CYP2A13: variants seen among roughly 807,000 people sequenced by gnomAD.
The protein encoded by CYP2A13 is cytochrome P450 family 2 subfamily A member 13.
CYP2A13 carries 30 observed loss-of-function variants against 39.4 expected under a neutral mutation model. The observed-to-expected ratio is 0.76, with a 90% CI of 0.57 to 1.03. The LOEUF is 1.03. Ranked by LOEUF, CYP2A13 falls within the 50% of genes least tolerant of loss-of-function variation. The pLI is 0.00. For missense variants in CYP2A13, 731 were observed against 648.4 expected (o/e 1.13, Z -1.38); for synonymous variants, 269 against 254.7 (o/e 1.06, Z -0.54).
chr19:41,091,690 G>A (rs1161200590), intron 4 of CYP2A13, 42 bp from the exon 5 acceptor site: 67 of 1,607,288 alleles, frequency 4.2e-5, no homozygotes, highest in African/African-American at 5.4e-5. Flanking sequence ...CCTGCCCCGT[G>A]ACAGCTGTCC....
chr19:41,090,628 A>G (rs2031169736), intron 4 of CYP2A13, 64 bp downstream of exon 4: 1 of 1,609,466 alleles, frequency 6.2e-7, no homozygotes. Context: ...CCCTACCTGG[A>G]GACAGGTGCC....
intron 2 of CYP2A13, 44 bp from the exon 3 acceptor site, chr19:41,090,003 C>G (rs1400596928): frequency 6.4e-7 from 1 of 1,561,452 alleles, no homozygotes; most frequent in South Asian, 1.2e-5. Context: ...CTCCTGCTCC[C>G]GCCGCCCCCT....
At chr19:41,091,976 T>G in intron 5 of CYP2A13, 68 bp downstream of exon 5, 1 of 1,590,468 alleles carries the variant, frequency 6.3e-7, no homozygotes, top group East Asian at 2.2e-5. Context: ...GGGAGTGGGG[T>G]GGGCAGACGA....
In CYP2A13 at chr19:41,092,054, A is replaced by G. The variant is rs1450285695; in HGVS notation, c.831+146A>G. On this transcript the variant is annotated intron_variant, in intron 5 of 8. Transcript: ENST00000330436. ...AATTGGCCAGGCGCGGTGGCTCATG[A>G]CCTGTAATCCCAGCACTTTGGGAGG... is the stretch of plus-strand genomic sequence containing the variant. 2.3e-6 allele frequency: 3 copies of G among 1,288,774 alleles called. No homozygotes were observed. In the East Asian group the frequency reaches 7.7e-5, roughly 33 times the overall value. 79.8% of individuals were successfully genotyped at this position (1,288,774 alleles called of 1,614,324 possible). A position where few individuals can be genotyped will look rare whatever the true frequency, so the allele number is the denominator to read the frequency against.
rs755104603 is a variant in CYP2A13, at chr19:41,088,665, G to A, written c.180+14G>A. 11 of 1,608,952 alleles carry A rather than the reference G, an allele frequency of 6.8e-6. No individual in the cohort carries two copies. Among genetic ancestry groups the A allele is most frequent in the African/African-American group, 1.3e-5 (1 of 75,018 alleles). Reference sequence around the variant, plus strand: ...TCCCTCATGAAGGTGTCCTAAGGCAGGGAGATGGGTGGCACGGGGTGGGGG... The same window carrying A: ...TCCCTCATGAAGGTGTCCTAAGGCAAGGAGATGGGTGGCACGGGGTGGGGG... On this transcript the variant is annotated intron_variant, in intron 1 of 8. Coordinates refer to ENST00000330436, the MANE Select transcript of CYP2A13 (RefSeq NM_000766.5).
intron 4 of CYP2A13, among the ~76,000 whole-genome samples, chr19:41,091,232 C>A (rs1446638507): frequency 6.6e-6 from 1 of 152,152 alleles, no homozygotes; most frequent in East Asian, 1.9e-4. Flanking sequence ...CAACAGGTAT[C>A]CCCTCCACTT....
rs767405445 is a variant in CYP2A13, at chr19:41,093,713, C to A, written c.915C>A (p.Thr305=). The change falls in exon 6 of 9, where the codon ACC becomes ACA. Residue 305 remains threonine (T), a synonymous_variant. Transcript: ENST00000330436. The stretch of plus-strand genomic sequence containing the variant: ...ACCTCTTCTTTGCGGGCACTGAGAC[C>A]GTGAGCACCACCCTGCGCTACGGTT... ...TLNLFFAGTE[T]VSTTLRYGFL... 5 of 1,614,058 alleles carry A rather than the reference C, an allele frequency of 3.1e-6. No homozygotes were observed. Among genetic ancestry groups the A allele is most frequent in the East Asian group, 2.2e-5 (1 of 44,884 alleles).
intron 2 of CYP2A13, 111 bp downstream of exon 2, chr19:41,089,202 G>A: frequency 1.3e-6 from 2 of 1,536,990 alleles, no homozygotes; most frequent in Non-Finnish European, 1.8e-6. Flanking sequence ...AGAGCCCCCT[G>A]TCTGGTCTTC....
chr19:41,088,893 C>T (rs201816363), intron 1 of CYP2A13, 36 bp from the exon 2 acceptor site: 20 of 1,611,320 alleles, frequency 1.2e-5, no homozygotes, highest in Non-Finnish European at 1.7e-5. Flanking sequence ...AGAGTGGGGG[C>T]TGCTCCCTCT....
chr19:41,095,150 C>G, intron 8 of CYP2A13, 50 bp downstream of exon 8: 1 of 1,613,816 alleles, frequency 6.2e-7, no homozygotes, highest in Non-Finnish European at 8.5e-7. Flanking sequence ...CAGCAGGGGC[C>G]TCTCTCACCC....
chr19:41,095,874 T>C lies in CYP2A13; in HGVS notation c.1418T>C (p.Val473Ala), dbSNP rs1448058631. The C allele has an allele frequency of 1.2e-6, 2 of 1,613,876 alleles. No individual in the cohort carries two copies. The highest frequency in any genetic ancestry group is 2.7e-5 in the African/African-American group (2 of 74,922). The change falls in exon 9 of 9, where the codon GTG (valine) becomes GCG (alanine). Residue 473 changes from valine to alanine, a missense_variant. Transcript: ENST00000330436. ...KSPQSPKDID[V>A]SPKHVGFATI... The stretch of plus-strand genomic sequence containing the variant: ...CCTCAGTCGCCTAAGGATATCGACG[T>C]GTCCCCCAAACACGTGGGCTTTGCC...
chr19:41,090,592 C>G, intron 4 of CYP2A13, 28 bp downstream of exon 4: 1 of 1,613,822 alleles, frequency 6.2e-7, no homozygotes, highest in Non-Finnish European at 8.5e-7. Flanking sequence ...GCCAGTGACG[C>G]CCCTACCACA....
chr19:41,089,894 T>A (rs1199328158), intron 2 of CYP2A13, among the ~76,000 whole-genome samples, 153 bp from the exon 3 acceptor site: 4 of 146,216 alleles, frequency 2.7e-5, no homozygotes, highest in Non-Finnish European at 4.5e-5. Flanking sequence ...TTTCTCTGAC[T>A]GAGTTTGCAG....
intron 2 of CYP2A13, 146 bp from the exon 3 acceptor site, chr19:41,089,901 G>T (rs2031142328): frequency 1.4e-5 from 8 of 582,796 alleles, no homozygotes; most frequent in Admixed American, 9.9e-5. Flanking sequence ...GACTGAGTTT[G>T]CAGCTCTCCT....
chr19:41,091,264 T>C (rs1304092772), intron 4 of CYP2A13, among the ~76,000 whole-genome samples: 1 of 152,154 alleles, frequency 6.6e-6, no homozygotes. Flanking sequence ...CCAGCCCCAC[T>C]TTAATACCTG....
At position 41,094,446 on chromosome 19, in the gene CYP2A13, T is replaced by C. The variant is rs2031258383; in HGVS notation, c.1161+14T>C. 1 of 1,613,830 alleles carries C rather than the reference T, an allele frequency of 6.2e-7. No homozygotes were observed. Among genetic ancestry groups the C allele is most frequent in the Non-Finnish European group, 8.5e-7 (1 of 1,179,846 alleles). ...TTCCTCCCTAAGGTGCTGTCTCCCC[T>C]CCACCACCACCACTCAGACTACGGG... On this transcript the variant is annotated intron_variant, in intron 7 of 8. Transcript: ENST00000330436.
chr19:41,092,168 G>T (rs146605885), intron 5 of CYP2A13, among the ~76,000 whole-genome samples: 318 of 151,826 alleles, frequency 2.1e-3, no homozygotes, highest in African/African-American at 7.4e-3. Context: ...ATACAAAAAT[G>T]AGCTAGGTAT....
rs55916723 is a variant in CYP2A13, at chr19:41,094,932, T to C, written c.1162-27T>C. ...CACCAATCCCCCCAACCTGCCTCATTACACACACCTTCCTCCTCCCTCCCA... is the reference window on the plus strand; with the variant it reads ...CACCAATCCCCCCAACCTGCCTCATCACACACACCTTCCTCCTCCCTCCCA... On this transcript the variant is annotated intron_variant, in intron 7 of 8. Coordinates refer to ENST00000330436, the MANE Select transcript of CYP2A13 (RefSeq NM_000766.5). 2.3e-3 allele frequency: 3,746 copies of C among 1,612,954 alleles called. 78 individuals are homozygous for C. In the East Asian group the frequency reaches 0.043, roughly 19 times the overall value.
chr19:41,092,241 G>A (rs1264279225), intron 5 of CYP2A13, among the ~76,000 whole-genome samples: 1 of 148,108 alleles, frequency 6.8e-6, no homozygotes, highest in South Asian at 2.1e-4. Flanking sequence ...GTTTGAATCC[G>A]GGAGGCAGAG....
Sources: gnomAD v4.1 joint callset for allele counts (sites outside exome capture counted in the v4.1 genomes callset) on GRCh38, gnomAD v4.1.1 for gene constraint, MANE v1.5 for transcripts, NCBI Gene and HGNC (gene_info 2026-07-23, HGNC 2026-07-21) for gene names.